NSMCE2: variants seen among roughly 807,000 people sequenced by gnomAD.
The protein encoded by NSMCE2 is E3 SUMO-protein ligase NSE2.
In NSMCE2, 24 loss-of-function variants were observed where a neutral mutation model predicts 23.8. The ratio of observed to expected loss-of-function variants is 1.01; its 90% CI spans 0.73 to 1.42. The LOEUF is 1.42. Ranked by LOEUF, NSMCE2 falls within the 40% of genes most tolerant of loss-of-function variation. NSMCE2 has a pLI of 0.00. For synonymous variants in NSMCE2, 92 were observed against 94.1 expected, an observed-to-expected ratio of 0.98 and a Z score of 0.13; for missense variants, 284 against 296.5, an observed-to-expected ratio of 0.96 and a Z score of 0.31.
intron 5 of NSMCE2, among the ~76,000 whole-genome samples, chr8:125,205,140 C>G (rs1824063941): frequency 6.6e-6 from 1 of 152,222 alleles, no homozygotes; most frequent in Admixed American, 6.5e-5. Context: ...ACCCCTCTTT[C>G]TCTTCCCTTG....
At chr8:125,164,968 GA>G (rs1398711294) in intron 4 of NSMCE2, among the ~76,000 whole-genome samples, 1 of 152,180 alleles carries the variant, frequency 6.6e-6, no homozygotes, top group Non-Finnish European at 1.5e-5. Flanking sequence ...AGTAGTGAGG[GA>G]TAAGTCTCCA....
At position 125,321,282 on chromosome 8, in the gene NSMCE2, C is replaced by A. The variant is rs181634664; in HGVS notation, c.419-35937C>A. Among the ~76,000 whole-genome samples the A allele has an allele frequency of 5.3e-5, 8 of 152,226 alleles. No homozygotes were observed. The East Asian group carries it at 1.2e-3, about 22-fold the overall frequency. On this transcript the variant is annotated intron_variant, in intron 5 of 7. Coordinates refer to ENST00000287437, the MANE Select transcript of NSMCE2 (RefSeq NM_173685.4). ...AGGATTTTTTTTCTTAATATTCTAA[C>A]CTCTGTAATCATTGAGTTTTTCAAG...
At chr8:125,305,164 A>G (rs936131820) in intron 5 of NSMCE2, among the ~76,000 whole-genome samples, 16 of 152,378 alleles carry the variant, frequency 1.1e-4, no homozygotes, top group Admixed American at 2.6e-4. Flanking sequence ...ACAGAGAATA[A>G]TAAAAGGTAC....
At chr8:125,156,093 A>T (rs1435172342) in intron 4 of NSMCE2, 1 of 377,540 alleles carries the variant, frequency 2.6e-6, no homozygotes, top group Non-Finnish European at 5.1e-6. Context: ...CAGCCTGGAC[A>T]ACATAGTAAG....
At chr8:125,314,138 A>G (rs1436656320) in intron 5 of NSMCE2, among the ~76,000 whole-genome samples, 3 of 152,240 alleles carry the variant, frequency 2.0e-5, no homozygotes, top group African/African-American at 7.2e-5. Context: ...ACTAGAAGCA[A>G]AGTCTTTAAT....
chr8:125,281,171 C>G (rs1389475395), intron 5 of NSMCE2, among the ~76,000 whole-genome samples: 1 of 152,254 alleles, frequency 6.6e-6, no homozygotes, highest in Non-Finnish European at 1.5e-5. Flanking sequence ...TTATAGCTAG[C>G]TCTTTTCCCA....
chr8:125,111,737 T>C (rs536943287), intron 3 of NSMCE2, among the ~76,000 whole-genome samples: 10 of 152,158 alleles, frequency 6.6e-5, no homozygotes, highest in African/African-American at 2.2e-4. Context: ...GAGGCAGAGG[T>C]TGCAGCGAGC....
intron 3 of NSMCE2, among the ~76,000 whole-genome samples, chr8:125,137,080 C>CA (rs954915470): frequency 6.7e-6 from 1 of 149,394 alleles, no homozygotes; most frequent in East Asian, 2.0e-4. Context: ...TTCATGAAAT[C>CA]AAAATTTTTT....
At chr8:125,237,408 G>A (rs559969038) in intron 5 of NSMCE2, among the ~76,000 whole-genome samples, 3 of 152,186 alleles carry the variant, frequency 2.0e-5, no homozygotes, top group Admixed American at 6.5e-5. Context: ...TCACTGTTAC[G>A]GTTCCTAACA....
intron 3 of NSMCE2, among the ~76,000 whole-genome samples, chr8:125,125,562 C>T (rs1383252507): frequency 6.6e-6 from 1 of 152,178 alleles, no homozygotes; most frequent in Non-Finnish European, 1.5e-5. Context: ...GTGGTCAATT[C>T]TAGCAGAGGA....
chr8:125,150,426 C>CT (rs71295819), intron 3 of NSMCE2, among the ~76,000 whole-genome samples: 2,918 of 61,838 alleles, frequency 0.047, 340 homozygotes, highest in South Asian at 0.084. Flanking sequence ...TTCTTTCTTT[C>CT]TTTTTTTTTT....
In NSMCE2 at chr8:125,133,852, A is replaced by G. The variant is rs577004441; in HGVS notation, c.158-17319A>G. On this transcript the variant is annotated intron_variant, in intron 3 of 7. Coordinates refer to ENST00000287437, the MANE Select transcript of NSMCE2 (RefSeq NM_173685.4). ...AGTCTCAGAGAAAACGCCGTTTATG[A>G]TTTTTAACTTTGTATCATACATTAG... 4.6e-5 allele frequency among the ~76,000 whole-genome samples: 7 copies of G among 151,392 alleles called. No individual in the cohort carries two copies. The South Asian group carries it at 1.0e-3, about 22-fold the overall frequency.
At chr8:125,211,830 A>G (rs991912407) in intron 5 of NSMCE2, among the ~76,000 whole-genome samples, 2 of 152,188 alleles carry the variant, frequency 1.3e-5, no homozygotes, top group Non-Finnish European at 2.9e-5. Flanking sequence ...ATCCTTTAGA[A>G]TATTTCTGTC....
chr8:125,140,908 A>G (rs1227901821), intron 3 of NSMCE2, among the ~76,000 whole-genome samples: 2 of 152,140 alleles, frequency 1.3e-5, no homozygotes, highest in African/African-American at 4.8e-5. Context: ...TCTACCAGAG[A>G]TTAGATAGAA....
intron 3 of NSMCE2, among the ~76,000 whole-genome samples, chr8:125,104,498 C>T (rs1046044462): frequency 6.6e-6 from 1 of 152,216 alleles, no homozygotes; most frequent in Non-Finnish European, 1.5e-5. Context: ...GATAGCTCTA[C>T]TCTGGCTGGA....
At chr8:125,310,024 G>C (rs945454777) in intron 5 of NSMCE2, among the ~76,000 whole-genome samples, 1 of 152,164 alleles carries the variant, frequency 6.6e-6, no homozygotes, top group East Asian at 1.9e-4. Flanking sequence ...ATGATGGGGG[G>C]ACCCTCATCC....
At chr8:125,236,163 T>C (rs555622325) in intron 5 of NSMCE2, among the ~76,000 whole-genome samples, 1 of 152,242 alleles carries the variant, frequency 6.6e-6, no homozygotes, top group Non-Finnish European at 1.5e-5. Context: ...CTTTTTGCGC[T>C]TAACGTAGAA....
chr8:125,320,251 GGGAAGGAAGGAAGGAA>G lies in NSMCE2; in HGVS notation c.419-36925_419-36910del, dbSNP rs1184148348. On this transcript the variant is annotated intron_variant, in intron 5 of 7. Transcript: ENST00000287437. The stretch of plus-strand genomic sequence containing the variant: ...GGGAGGGAAGGGAGGGAGGGAGGGA[GGGAAGGAAGGAAGGAA>G]GGAAGGAAGGAAGGAAGGAAGGAAG... Among the ~76,000 whole-genome samples, 66 of 58,298 alleles carry G rather than the reference GGGAAGGAAGGAAGGAA, an allele frequency of 1.1e-3. 2 individuals are homozygous for G. Among genetic ancestry groups the G allele is most frequent in the African/African-American group, 3.4e-3 (43 of 12,654 alleles). 38.2% of individuals were successfully genotyped at this position (58,298 alleles called of 152,430 possible). A position where few individuals can be genotyped will look rare whatever the true frequency, so the allele number is the denominator to read the frequency against.
At chr8:125,105,730 A>G (rs1586432111) in intron 3 of NSMCE2, among the ~76,000 whole-genome samples, 1 of 152,178 alleles carries the variant, frequency 6.6e-6, no homozygotes, top group Non-Finnish European at 1.5e-5. Flanking sequence ...CTGTGGTCTT[A>G]TAAAACTTTA....
Sources: allele counts gnomAD v4.1 joint callset (sites outside exome capture counted in the v4.1 genomes callset), GRCh38; gene constraint gnomAD v4.1.1; transcripts MANE v1.5; gene names NCBI Gene and HGNC (gene_info 2026-07-23, HGNC 2026-07-21).